The following THRAP3 variants were observed in gnomAD, a reference collection of about 807,000 sequenced individuals.
THRAP3 encodes the protein thyroid hormone receptor associated protein 3, also known as thyroid hormone receptor-associated protein 3.
A neutral mutation model predicts 101.0 loss-of-function variants in THRAP3; 16 were observed. That is an observed-to-expected ratio of 0.16 (90% CI 0.11 to 0.24). The LOEUF is 0.24. THRAP3 is among the 10% of genes least tolerant of loss of function. The probability of loss-of-function intolerance (pLI) is 1.00; values close to 1 mark genes in which losing one functional copy is unlikely to be tolerated. For missense variants in THRAP3, 989 were observed against 1,202.7 expected (o/e 0.82, Z 2.63); for synonymous variants, 407 against 422.6 (o/e 0.96, Z 0.45).
chr1:36,288,447 T>C (rs191621467), intron 4 of THRAP3: 5 of 985,458 alleles, frequency 5.1e-6, no homozygotes, highest in Admixed American at 6.1e-5. Context: ...TTAGAAGACT[T>C]GAGCATGAGC....
chr1:36,216,680 G>T, the THRAP3 span, among the ~76,000 whole-genome samples: 1 of 151,802 alleles, frequency 6.6e-6, no homozygotes, highest in African/African-American at 2.4e-5. Context: ...CAGCTACTTG[G>T]GGGCTAAGGT....
intron 2 of THRAP3, among the ~76,000 whole-genome samples, chr1:36,270,092 A>G (rs1052647619): frequency 1.3e-5 from 2 of 152,188 alleles, no homozygotes; most frequent in African/African-American, 4.8e-5. Context: ...CAATACTTCT[A>G]TAATAAAATA....
chr1:36,260,039 C>T (rs1570281035), intron 2 of THRAP3, among the ~76,000 whole-genome samples: 2 of 151,744 alleles, frequency 1.3e-5, no homozygotes, highest in East Asian at 1.9e-4. Flanking sequence ...GTCAAGAGTT[C>T]GAGACCAGCC....
At chr1:36,239,204 G>A (rs1645125921) in intron 1 of THRAP3, among the ~76,000 whole-genome samples, 1 of 150,190 alleles carries the variant, frequency 6.7e-6, no homozygotes. Context: ...ATGCCCGGCC[G>A]TGTTTTTTTA....
At chr1:36,256,380 C>G (rs1202403443) in intron 1 of THRAP3, among the ~76,000 whole-genome samples, 1 of 151,770 alleles carries the variant, frequency 6.6e-6, no homozygotes, top group Non-Finnish European at 1.5e-5. Flanking sequence ...CGCCCGCCAC[C>G]ACGCCTGGCT....
chr1:36,208,110 C>G, the THRAP3 span, among the ~76,000 whole-genome samples: 1 of 152,164 alleles, frequency 6.6e-6, no homozygotes, highest in Non-Finnish European at 1.5e-5. Flanking sequence ...ACTTCTTAGC[C>G]TACCTGGAAG....
intron 7 of THRAP3, among the ~76,000 whole-genome samples, chr1:36,293,028 C>CTTTT (rs71053920): frequency 6.0e-5 from 5 of 82,796 alleles, no homozygotes; most frequent in Non-Finnish European, 9.0e-5. Flanking sequence ...CTTTTCTTGT[C>CTTTT]TTTTTTTTTT....
In THRAP3 at chr1:36,286,186, T is replaced by C. The variant is rs1645794077; in HGVS notation, c.138-182T>C. On this transcript the variant is annotated intron_variant, in intron 3 of 11. Transcript: ENST00000354618. The surrounding 1 kb of genome is among the most constrained non-coding windows in gnomAD (Gnocchi z 5.5). ...TTTCATCACTTGTTCAAATGATTCT[T>C]ATCCATGTTTTTGTACTTAGTAAGG... Among the ~76,000 whole-genome samples the C allele has an allele frequency of 6.6e-6, 1 of 152,244 alleles. No homozygotes were observed. The highest frequency in any genetic ancestry group is 1.5e-5 in the Non-Finnish European group (1 of 68,046).
At chr1:36,252,024 T>G (rs1196558464) in intron 1 of THRAP3, among the ~76,000 whole-genome samples, 2 of 152,238 alleles carry the variant, frequency 1.3e-5, no homozygotes, top group Non-Finnish European at 2.9e-5. Flanking sequence ...TTTATTTGTT[T>G]TACTATGAGT....
At chr1:36,271,669 C>G (rs1204073395) in intron 2 of THRAP3, among the ~76,000 whole-genome samples, 1 of 150,302 alleles carries the variant, frequency 6.7e-6, no homozygotes, top group African/African-American at 2.5e-5. Context: ...TCTTCGCTCA[C>G]CACAACCTCC....
intron 1 of THRAP3, among the ~76,000 whole-genome samples, chr1:36,246,235 T>C (rs1181979876): frequency 1.3e-5 from 2 of 152,160 alleles, no homozygotes; most frequent in African/African-American, 4.8e-5. Flanking sequence ...TGTGAGAATT[T>C]CAAGCACAGT....
chr1:36,232,434 A>G (rs1401624916), intron 1 of THRAP3, among the ~76,000 whole-genome samples: 3 of 152,126 alleles, frequency 2.0e-5, no homozygotes, highest in Non-Finnish European at 4.4e-5. Flanking sequence ...ACTCCTCTAT[A>G]ATAGTACTCC....
chr1:36,288,308 C>G, intron 4 of THRAP3: 24 of 863,368 alleles, frequency 2.8e-5, no homozygotes, highest in Non-Finnish European at 3.2e-5. Flanking sequence ...CTTGCCCCCT[C>G]CCATCCTTCT....
chr1:36,296,777 A>G lies in THRAP3; in HGVS notation c.2303+7A>G. On this transcript the variant is annotated splice_region_variant and intron_variant, in intron 9 of 11. Transcript: ENST00000354618. ...AAGGATCAAAGAAACAGAAGTACGT[A>G]AGCCCCTGTTACCCCTTCCAGACTC... The G allele has an allele frequency of 5.1e-6, 8 of 1,579,670 alleles. No homozygotes were observed. The highest frequency in any genetic ancestry group is 3.5e-5 in the South Asian group (3 of 84,520).
chr1:36,234,127 T>A (rs1469440408), intron 1 of THRAP3, among the ~76,000 whole-genome samples: 1 of 152,122 alleles, frequency 6.6e-6, no homozygotes, highest in Non-Finnish European at 1.5e-5. Context: ...GGCTAATTTT[T>A]GTAGTTTTAT....
intron 1 of THRAP3, among the ~76,000 whole-genome samples, chr1:36,232,355 C>T (rs1442401749): frequency 6.6e-6 from 1 of 152,118 alleles, no homozygotes; most frequent in Non-Finnish European, 1.5e-5. Flanking sequence ...TTGGCTTTGG[C>T]AGTTTTGATG....
intron 1 of THRAP3, among the ~76,000 whole-genome samples, chr1:36,254,539 G>T (rs1206349767): frequency 3.9e-5 from 6 of 152,194 alleles, no homozygotes; most frequent in African/African-American, 1.4e-4. Flanking sequence ...ATGCTGTTGA[G>T]TTATAACTGT....
At chr1:36,224,269 C>A (rs1324981046), upstream of THRAP3, 1 of 152,310 alleles carries the variant, frequency 6.6e-6, no homozygotes, top group Non-Finnish European at 1.5e-5. Context: ...GACAACCGAG[C>A]GCGTGACGCA....
At chr1:36,229,817 T>A (rs1329334023) in intron 1 of THRAP3, among the ~76,000 whole-genome samples, 4 of 151,712 alleles carry the variant, frequency 2.6e-5, no homozygotes, top group Non-Finnish European at 5.9e-5. Context: ...CATGCCCAGC[T>A]AATTTTGTAT....
Sources: gnomAD v4.1 joint callset for allele counts (sites outside exome capture counted in the v4.1 genomes callset) on GRCh38, gnomAD v4.1.1 for gene constraint, Gnocchi (gnomAD v3.1) non-coding constraint, MANE v1.5 for transcripts, NCBI Gene and HGNC (gene_info 2026-07-23, HGNC 2026-07-21) for gene names.